The following RYR3 variants were observed in gnomAD, a reference collection of about 807,000 sequenced individuals.
RYR3 encodes brain ryanodine receptor-calcium release channel.
RYR3 carries 207 observed loss-of-function variants against 584.3 expected under a neutral mutation model. The ratio of observed to expected loss-of-function variants is 0.35; its 90% confidence interval spans 0.32 to 0.40. The LOEUF (loss-of-function observed/expected upper bound fraction) is 0.40. Among genes scored for constraint, RYR3 ranks in the 10% least tolerant of loss-of-function variants. The pLI is 1.00. For synonymous variants in RYR3, 2,416 were observed against 2,248.5 expected, an observed-to-expected ratio of 1.07 and a Z score of -2.11; for missense variants, 5,616 against 6,089.2, an observed-to-expected ratio of 0.92 and a Z score of 2.59.
At chr15:33,801,701 T>C (rs184204811) in intron 68 of RYR3, among the ~76,000 whole-genome samples, 168 bp from the exon 69 acceptor site, 3 of 152,282 alleles carry the variant, frequency 2.0e-5, no homozygotes, top group African/African-American at 4.8e-5. Flanking sequence ...TAATGAGACA[T>C]GCCTGACCCC....
At position 33,669,854 on chromosome 15, in the gene RYR3, G is replaced by GGGT. The variant is rs1566919739; in HGVS notation, c.5722+400_5722+401insTGG. On this transcript the variant is annotated intron_variant, in intron 37 of 103. Coordinates refer to ENST00000634891, the MANE Select transcript of RYR3 (RefSeq NM_001036.6). Reference sequence around the variant, plus strand: ...GGGGTGTGTGTGTGTGGGGGGGGGGGGGGGTGTGGGTGTGTGGGTGTGTGT... The same window carrying GGGT: ...GGGGTGTGTGTGTGTGGGGGGGGGGGGGTGGGGTGTGGGTGTGTGGGTGTGTGT... Among the ~76,000 whole-genome samples the GGGT allele has an allele frequency of 5.6e-4, 20 of 35,988 alleles. 3 individuals are homozygous for GGGT. The highest frequency in any genetic ancestry group is 1.0e-3 in the Non-Finnish European group (16 of 15,646). The allele number at this position is 35,988 out of a possible 152,430, so 23.6% of individuals were successfully genotyped here.
Position 33,595,486 on chromosome 15 carries a change from G to T in RYR3, c.1789-5933G>T, listed in dbSNP as rs561189862. Reference sequence around the variant, plus strand: ...AGTTTGCCTTTAACATTAATAATTAGTTTATAGAGGAACTGCACTTATTTT... The same window carrying T: ...AGTTTGCCTTTAACATTAATAATTATTTTATAGAGGAACTGCACTTATTTT... On this transcript the variant is annotated intron_variant, in intron 16 of 103. Transcript: ENST00000634891. Among the ~76,000 whole-genome samples the T allele has an allele frequency of 2.0e-5, 3 of 152,204 alleles. No individual in the cohort carries two copies. In the South Asian group the frequency reaches 6.2e-4, roughly 32 times the overall value.
rs1296921899 is a variant in RYR3 at position 33,492,901 on chromosome 15, C to A, written c.172-10730C>A. Among the ~76,000 whole-genome samples, 3 of 152,262 alleles carry A rather than the reference C, an allele frequency of 2.0e-5. No individual in the cohort carries two copies. The South Asian group carries it at 6.2e-4, about 32-fold the overall frequency. On this transcript the variant is annotated intron_variant, in intron 2 of 103. Coordinates refer to ENST00000634891, the MANE Select transcript of RYR3 (RefSeq NM_001036.6). ...AAAGGCCAAGAGACACAGATTCTCC[C>A]ATCCTGCAGCTGCTGGATACCACTG...
intron 38 of RYR3, among the ~76,000 whole-genome samples, chr15:33,687,027 C>T (rs1335956269): frequency 6.6e-6 from 1 of 152,220 alleles, no homozygotes; most frequent in South Asian, 2.1e-4. Context: ...TGCCCTCTCT[C>T]ACCACGCCTA....
intron 16 of RYR3, among the ~76,000 whole-genome samples, chr15:33,597,006 T>G (rs2059411224): frequency 6.6e-6 from 1 of 152,216 alleles, no homozygotes; most frequent in African/African-American, 2.4e-5. Context: ...AACCTCCTTA[T>G]TGCCTGTGGA....
intron 1 of RYR3, among the ~76,000 whole-genome samples, chr15:33,402,135 A>G (rs939356318): frequency 1.3e-5 from 2 of 152,222 alleles, no homozygotes; most frequent in African/African-American, 4.8e-5. Flanking sequence ...TTTAATTTAA[A>G]TGTTGCATTT....
At chr15:33,507,967 GAAT>G (rs1450865525) in intron 3 of RYR3, among the ~76,000 whole-genome samples, 3 of 152,042 alleles carry the variant, frequency 2.0e-5, no homozygotes, top group Non-Finnish European at 2.9e-5. Flanking sequence ...GATCCTTCAG[GAAT>G]ATTCAAACTT....
intron 65 of RYR3, among the ~76,000 whole-genome samples, chr15:33,784,465 A>G (rs537760753): frequency 6.6e-6 from 1 of 152,356 alleles, no homozygotes; most frequent in South Asian, 2.1e-4. Context: ...TATCTTTGGA[A>G]ATGTATGAGA....
chr15:33,725,197 A>G (rs2068287464), intron 45 of RYR3, among the ~76,000 whole-genome samples: 1 of 144,526 alleles, frequency 6.9e-6, no homozygotes, highest in African/African-American at 2.6e-5. Context: ...ACACACACAC[A>G]CACACATATA....
intron 38 of RYR3, among the ~76,000 whole-genome samples, chr15:33,679,647 G>A (rs888134688): frequency 1.3e-5 from 2 of 152,150 alleles, no homozygotes; most frequent in Admixed American, 1.3e-4. Context: ...TAGGTGACTT[G>A]CCCAAGGTCA....
At chr15:33,398,305 G>A (rs1234193249) in intron 1 of RYR3, among the ~76,000 whole-genome samples, 3 of 152,198 alleles carry the variant, frequency 2.0e-5, no homozygotes, top group Non-Finnish European at 4.4e-5. Flanking sequence ...CCACAATGCT[G>A]TGGGTATCAG....
intron 1 of RYR3, among the ~76,000 whole-genome samples, chr15:33,467,305 A>C (rs897471495): frequency 1.3e-5 from 2 of 152,224 alleles, no homozygotes; most frequent in Non-Finnish European, 2.9e-5. Context: ...AGATCTAACT[A>C]TAGGGCTGTC....
Position 33,826,248 on chromosome 15 carries a change from C to A in RYR3, c.11147-4C>A. The stretch of plus-strand genomic sequence containing the variant: ...CTATTCTTCTGTTTTTCTCTCATTA[C>A]CAGTCATTGTTCGGGAACGTGGTAA... On this transcript the variant is annotated splice_polypyrimidine_tract_variant and splice_region_variant and intron_variant, in intron 82 of 103. Transcript: ENST00000634891. 2 of 1,613,396 alleles carry A rather than the reference C, an allele frequency of 1.2e-6. No homozygotes were observed. Among genetic ancestry groups the A allele is most frequent in the Non-Finnish European group, 1.7e-6 (2 of 1,179,440 alleles).
intron 34 of RYR3, among the ~76,000 whole-genome samples, chr15:33,660,782 C>G (rs936700337): frequency 2.0e-5 from 3 of 152,232 alleles, no homozygotes; most frequent in African/African-American, 2.4e-5. Context: ...CCTGGTCTCC[C>G]CTTGCTAAGA....
At chr15:33,434,673 C>A (rs939447913) in intron 1 of RYR3, among the ~76,000 whole-genome samples, 17 of 152,242 alleles carry the variant, frequency 1.1e-4, no homozygotes, top group Admixed American at 4.6e-4. Context: ...AGGGTATTAC[C>A]GATAACTGTG....
At position 33,706,805 on chromosome 15, in the gene RYR3, A is replaced by C. The variant is rs904423636; in HGVS notation, c.6484-114A>C. 25 of 970,984 alleles carry C rather than the reference A, an allele frequency of 2.6e-5. No individual in the cohort carries two copies. The African/African-American group carries it at 3.8e-4, about 15-fold the overall frequency. The allele number at this position is 970,984 out of a possible 1,614,324, so 60.1% of individuals were successfully genotyped here. On this transcript the variant is annotated intron_variant, in intron 42 of 103. Transcript: ENST00000634891. The stretch of plus-strand genomic sequence containing the variant: ...CATTTTACATTCTCACCAGCAATGC[A>C]CAAGAGTTCCAACTTCTCTACATCC...
chr15:33,815,244 G>A (rs1248796011), intron 74 of RYR3, among the ~76,000 whole-genome samples: 4 of 152,264 alleles, frequency 2.6e-5, no homozygotes, highest in Non-Finnish European at 4.4e-5. Flanking sequence ...TGCTGAAGTC[G>A]TAACAGAAAA....
chr15:33,536,376 C>T lies in RYR3; in HGVS notation c.434-2974C>T, dbSNP rs529011821. Among the ~76,000 whole-genome samples the T allele has an allele frequency of 7.9e-5, 12 of 152,240 alleles. No homozygotes were observed. The South Asian group carries it at 1.0e-3, about 13-fold the overall frequency. On this transcript the variant is annotated intron_variant, in intron 5 of 103. Transcript: ENST00000634891. ...TTTGGGTAAAATTACTTATTCTGGT[C>T]TCCTTTTAAAGTTGTTTAATTGTTT...
rs1406236785 is a variant in RYR3, at chr15:33,696,391, A to G, written c.6034A>G (p.Ser2012Gly). Reference protein sequence around the residue: ...KTYTISHTSVSDTINLLAALG... With the variant: ...KTYTISHTSVGDTINLLAALG... ...CTACACCATCAGCCACACCTCTGTA[A>G]GCGACACCATCAACCTGCTGGCTGC... Residue 2012 changes from serine (S) to glycine (G), a missense_variant, in exon 39 of 104, where the codon AGC (serine) becomes GGC (glycine). Ser to Gly is a moderately conservative substitution (Grantham distance 56). Around this residue, in one of 9 missense-constraint regions of RYR3, gnomAD observed 1,280 missense variants for 1,426.2 expected, o/e 0.90. Transcript: ENST00000634891. 1.2e-6 allele frequency: 2 copies of G among 1,613,796 alleles called. No homozygotes were observed. The highest frequency in any genetic ancestry group is 1.7e-6 in the Non-Finnish European group (2 of 1,179,896).
Sources: allele counts gnomAD v4.1 joint callset (sites outside exome capture counted in the v4.1 genomes callset), GRCh38; gene constraint gnomAD v4.1.1; regional missense constraint gnomAD v4.1.1; transcripts MANE v1.5; gene names NCBI Gene and HGNC (gene_info 2026-07-23, HGNC 2026-07-21).